Variants in KANSL1L observed in about 807,000 individuals in gnomAD.
The protein encoded by KANSL1L is KAT8 regulatory NSL complex subunit 1 like, also known as KAT8 regulatory NSL complex subunit 1-like protein.
Under a neutral mutation model 108.6 loss-of-function variants are expected in KANSL1L, and 25 were observed. The ratio of observed to expected loss-of-function variants is 0.23; its 90% CI spans 0.17 to 0.32. KANSL1L has a LOEUF of 0.32. Ranked by LOEUF, KANSL1L falls within the 10% of genes least tolerant of loss-of-function variation. KANSL1L has a pLI of 1.00. For synonymous variants in KANSL1L, 405 were observed against 395.1 expected, an observed-to-expected ratio of 1.03 and a Z score of -0.30; for missense variants, 1,137 against 1,125.7, an observed-to-expected ratio of 1.01 and a Z score of -0.14.
chr2:210,149,785 C>A (rs2095289487), intron 2 of KANSL1L, among the ~76,000 whole-genome samples: 1 of 151,670 alleles, frequency 6.6e-6, no homozygotes, highest in African/African-American at 2.4e-5. Context: ...TACAGTCTTT[C>A]CCACAAGAAA....
chr2:210,091,984 C>A (rs2094696464), intron 5 of KANSL1L, among the ~76,000 whole-genome samples: 1 of 152,104 alleles, frequency 6.6e-6, no homozygotes, highest in Non-Finnish European at 1.5e-5. Context: ...CTAATGGTAC[C>A]ATTCCACTGT....
At chr2:210,029,202 C>G (rs2093980888) in intron 10 of KANSL1L, 1 of 379,134 alleles carries the variant, frequency 2.6e-6, no homozygotes, top group Non-Finnish European at 4.6e-6. Context: ...TGTGTGCAAG[C>G]ATACAAGCTT....
chr2:210,061,537 A>C (rs1006556431), intron 6 of KANSL1L, among the ~76,000 whole-genome samples: 1 of 152,244 alleles, frequency 6.6e-6, no homozygotes, highest in Non-Finnish European at 1.5e-5. Flanking sequence ...TTTATATTTT[A>C]AGAATTATAC....
At chr2:210,170,918 G>C (rs1300344781) in intron 1 of KANSL1L, among the ~76,000 whole-genome samples, 1 of 148,932 alleles carries the variant, frequency 6.7e-6, no homozygotes, top group Non-Finnish European at 1.5e-5. Flanking sequence ...TGCCAAGGCT[G>C]TTAGGTTTAG....
At chr2:210,029,473 CAAA>C (rs1266505598) in intron 10 of KANSL1L, among the ~76,000 whole-genome samples, 2 of 151,570 alleles carry the variant, frequency 1.3e-5, no homozygotes, top group Non-Finnish European at 2.9e-5. Context: ...AACAAACAAA[CAAA>C]AAACAGGACA....
At chr2:210,064,829 A>C (rs998754744) in intron 6 of KANSL1L, among the ~76,000 whole-genome samples, 19 of 151,502 alleles carry the variant, frequency 1.3e-4, no homozygotes, top group Non-Finnish European at 1.8e-4. Flanking sequence ...AAAAAAAAAA[A>C]AAAAAAAAAC....
chr2:210,046,146 C>T (rs1469857578), intron 6 of KANSL1L, among the ~76,000 whole-genome samples: 1 of 152,114 alleles, frequency 6.6e-6, no homozygotes, highest in African/African-American at 2.4e-5. Flanking sequence ...GACCTCATGA[C>T]CTATTAACTT....
At position 210,163,446 on chromosome 2, in the gene KANSL1L, C is replaced by T. The variant is rs377253594; in HGVS notation, c.-30+7703G>A. On this transcript the variant is annotated intron_variant, in intron 1 of 14. Coordinates refer to ENST00000281772, the MANE Select transcript of KANSL1L (RefSeq NM_152519.4). The stretch of plus-strand genomic sequence containing the variant: ...AAGCTTGAAGATACAGCAATAGAAA[C>T]CTCCAAAACTAAAAAGGAAAGAGAA... Among the ~76,000 whole-genome samples, 84 of 152,106 alleles carry T rather than the reference C, an allele frequency of 5.5e-4. 2 individuals carry two copies. In the South Asian group the frequency reaches 0.017, roughly 30 times the overall value.
intron 3 of KANSL1L, among the ~76,000 whole-genome samples, chr2:210,112,569 G>A (rs2125468095): frequency 6.6e-6 from 1 of 152,292 alleles, no homozygotes; most frequent in South Asian, 2.1e-4. Context: ...TAAGTGTCCA[G>A]AGACCCAAAT....
chr2:210,147,350 T>C (rs2095273013), intron 2 of KANSL1L, among the ~76,000 whole-genome samples: 2 of 152,194 alleles, frequency 1.3e-5, no homozygotes, highest in Admixed American at 1.3e-4. Context: ...TAGTCCTAGC[T>C]ACTCAGGCAG....
intron 6 of KANSL1L, among the ~76,000 whole-genome samples, chr2:210,071,829 C>T (rs904248747): frequency 2.6e-5 from 4 of 152,026 alleles, no homozygotes; most frequent in South Asian, 2.1e-4. Flanking sequence ...CCCACTACAG[C>T]GTTTGTTTTT....
intron 3 of KANSL1L, among the ~76,000 whole-genome samples, chr2:210,112,984 A>T (rs2094923048): frequency 6.6e-6 from 1 of 152,206 alleles, no homozygotes; most frequent in South Asian, 2.1e-4. Flanking sequence ...AGCCATTCAT[A>T]CATTTCTGAA....
intron 5 of KANSL1L, among the ~76,000 whole-genome samples, chr2:210,076,552 A>C (rs2094543558): frequency 6.6e-6 from 1 of 152,180 alleles, no homozygotes; most frequent in African/African-American, 2.4e-5. Context: ...ACAGAGCTGT[A>C]ACCCTACTAC....
In KANSL1L at chr2:210,024,055, A is replaced by G; in HGVS notation, c.2711T>C (p.Leu904Ser). Residue 904 changes from leucine to serine, a missense_variant, in exon 14 of 15, where the codon TTA becomes TCA. Physicochemically the swap from Leu to Ser is moderately radical, Grantham distance 145. Around this residue, in one of 3 missense-constraint regions of KANSL1L, gnomAD observed 575 missense variants for 567.1 expected, o/e 1.01. Coordinates refer to ENST00000281772, the MANE Select transcript of KANSL1L (RefSeq NM_152519.4). ...QDLCAYGLPS[L>S]NQSQETKSLW... is the part of the protein sequence containing the mutation. ...TACCTTGGTTTCTTGACTTTGATTT[A>G]AAGAAGGTAAGCCATATGCACACAG... 1.3e-6 allele frequency: 2 copies of G among 1,579,558 alleles called. No individual in the cohort carries two copies. Among genetic ancestry groups the G allele is most frequent in the East Asian group, 2.3e-5 (1 of 43,260 alleles).
chr2:210,123,699 G>T (rs1286999273), intron 3 of KANSL1L, among the ~76,000 whole-genome samples: 1 of 151,912 alleles, frequency 6.6e-6, no homozygotes, highest in Non-Finnish European at 1.5e-5. Context: ...CACAAAGAAA[G>T]AATAAGTGTT....
intron 5 of KANSL1L, among the ~76,000 whole-genome samples, chr2:210,081,250 G>T (rs1472946689): frequency 4.6e-5 from 7 of 152,018 alleles, no homozygotes; most frequent in Non-Finnish European, 8.8e-5. Flanking sequence ...CTTTCCTTAG[G>T]TTGACATTTC....
chr2:210,097,978 A>G, intron 5 of KANSL1L, 108 bp downstream of exon 5: 2 of 794,750 alleles, frequency 2.5e-6, no homozygotes, highest in Non-Finnish European at 3.8e-6. Context: ...AGTAGCCCCT[A>G]ATGTACAAAA....
chr2:210,163,472 C>A (rs2095371765), intron 1 of KANSL1L, among the ~76,000 whole-genome samples: 1 of 151,866 alleles, frequency 6.6e-6, no homozygotes, highest in Non-Finnish European at 1.5e-5. Context: ...GGAAAGAGAA[C>A]AAAGATGGCA....
At position 210,079,648 on chromosome 2, in the gene KANSL1L, A is replaced by ATATATGTGTG. The variant is rs1164689592; in HGVS notation, c.1551-3893_1551-3892insCACACATATA. Among the ~76,000 whole-genome samples, 31 of 15,198 alleles carry ATATATGTGTG rather than the reference A, an allele frequency of 2.0e-3. 1 individual carries two copies. The highest frequency in any genetic ancestry group is 0.018 in the East Asian group (7 of 400). 10.0% of individuals were successfully genotyped at this position (15,198 alleles called of 152,430 possible). A position where few individuals can be genotyped will look rare whatever the true frequency, so the allele number is the denominator to read the frequency against. On this transcript the variant is annotated intron_variant, in intron 5 of 14. Transcript: ENST00000281772. The stretch of plus-strand genomic sequence containing the variant: ...TATATATATATATATATATATATAT[A>ATATATGTGTG]TATATATATATATATATGTATGTGT...
Sources: gnomAD v4.1 joint callset for allele counts (sites outside exome capture counted in the v4.1 genomes callset) on GRCh38, gnomAD v4.1.1 for gene constraint, gnomAD v4.1.1 regional missense constraint, MANE v1.5 for transcripts, NCBI Gene and HGNC (gene_info 2026-07-23, HGNC 2026-07-21) for gene names.